INSYN2A: variants seen among roughly 807,000 people sequenced by gnomAD.
INSYN2A encodes family with sequence similarity 196 member A.
A neutral mutation model predicts 39.4 loss-of-function variants in INSYN2A; 17 were observed. That is an observed-to-expected ratio of 0.43 (90% CI 0.30 to 0.65). INSYN2A has a LOEUF of 0.65. INSYN2A is among the 30% of genes least tolerant of loss of function. The pLI is 0.14. For synonymous variants in INSYN2A, 255 were observed against 265.7 expected (o/e 0.96, Z 0.39); for missense variants, 595 against 631.2 (o/e 0.94, Z 0.61).
intron 2 of INSYN2A, among the ~76,000 whole-genome samples, chr10:127,190,600 C>G (rs2056651500): frequency 7.3e-6 from 1 of 137,570 alleles, no homozygotes; most frequent in Non-Finnish European, 1.5e-5. Flanking sequence ...TAATGAAAAA[C>G]TTATTTTTTA....
At chr10:127,174,947 T>C (rs571960279) in intron 4 of INSYN2A, among the ~76,000 whole-genome samples, 168 of 152,342 alleles carry the variant, frequency 1.1e-3, no homozygotes, top group Non-Finnish European at 2.0e-3. Context: ...AGGAAAGGTC[T>C]ATCAATTCAT....
At chr10:127,139,176 C>T (rs1270649661) in intron 5 of INSYN2A, among the ~76,000 whole-genome samples, 1 of 152,166 alleles carries the variant, frequency 6.6e-6, no homozygotes. Context: ...ATTTTATAAC[C>T]AGTGGAACCG....
intron 2 of INSYN2A, among the ~76,000 whole-genome samples, chr10:127,188,416 A>G (rs2056471312): frequency 6.6e-6 from 1 of 152,198 alleles, no homozygotes. Context: ...TTGGAGACGC[A>G]AAACATTTAG....
chr10:127,181,541 G>A (rs1277803965), intron 2 of INSYN2A, among the ~76,000 whole-genome samples: 1 of 152,210 alleles, frequency 6.6e-6, no homozygotes, highest in Non-Finnish European at 1.5e-5. Flanking sequence ...AGCAGTCAGA[G>A]GAGTGCCACA....
At chr10:127,173,910 T>A (rs2054820255) in intron 4 of INSYN2A, among the ~76,000 whole-genome samples, 1 of 152,226 alleles carries the variant, frequency 6.6e-6, no homozygotes, top group African/African-American at 2.4e-5. Flanking sequence ...CAGTTCTTTT[T>A]GCTTAAGAGC....
rs2055068049 is a variant in INSYN2A, at chr10:127,175,857, T to A, written c.539A>T (p.His180Leu). 1.2e-6 allele frequency: 2 copies of A among 1,613,982 alleles called. No individual in the cohort carries two copies. The highest frequency in any genetic ancestry group is 1.7e-6 in the Non-Finnish European group (2 of 1,180,018). ...TTALVFHSNQ[H>L]MNTVDQPLGV... is the part of the protein sequence containing the mutation. ...CAAAGGCTGGTCCACTGTGTTCATG[T>A]GTTGGTTGGAATGGAAAACCAAGGC... Residue 180 changes from histidine (H) to leucine (L), a missense_variant, in exon 4 of 6, where the codon CAC (histidine) becomes CTC (leucine). Transcript: ENST00000522781. The surrounding 1 kb of genome is among the most constrained non-coding windows in gnomAD (Gnocchi z 6.3).
At chr10:127,139,161 A>T (rs1592174957) in intron 5 of INSYN2A, among the ~76,000 whole-genome samples, 1 of 152,332 alleles carries the variant, frequency 6.6e-6, no homozygotes, top group South Asian at 2.1e-4. Flanking sequence ...GCATGAGCTC[A>T]TAACATTTTA....
chr10:127,191,422 C>T (rs2056749180), intron 2 of INSYN2A, among the ~76,000 whole-genome samples: 1 of 152,092 alleles, frequency 6.6e-6, no homozygotes. Context: ...ATCTACCTTC[C>T]CTATGCTTGC....
intron 5 of INSYN2A, among the ~76,000 whole-genome samples, chr10:127,144,129 C>A (rs1254033992): frequency 6.6e-6 from 1 of 152,170 alleles, no homozygotes; most frequent in Non-Finnish European, 1.5e-5. Flanking sequence ...TCCTCCTTGG[C>A]CATTGAAACA....
rs896119196 is a variant in INSYN2A, at chr10:127,137,754, C to T, written c.*83G>A. The stretch of plus-strand genomic sequence containing the variant: ...GCCTGAATGGGCACCACAGTTCCCT[C>T]GATCCTATTCATTTTGGAAAAGTAT... On this transcript the variant is annotated 3_prime_UTR_variant, in exon 6 of 6. Coordinates refer to ENST00000522781, the MANE Select transcript of INSYN2A (RefSeq NM_001039762.3). 93 of 1,339,990 alleles carry T rather than the reference C, an allele frequency of 6.9e-5. No homozygotes were observed. In the East Asian group the frequency reaches 1.5e-3, roughly 21 times the overall value. 83.0% of individuals were successfully genotyped at this position (1,339,990 alleles called of 1,614,324 possible).
chr10:127,176,035 C>T lies in INSYN2A; in HGVS notation c.361G>A (p.Asp121Asn). The part of the protein sequence containing the change: ...LKKCYQTFPL[D>N]RKKGNLKSLP... ...CTTTTGAGGTTCCCCTTTTTGCGGT[C>T]CAGAGGGAACGTCTGGTAACACTTC... Residue 121 changes from aspartate to asparagine, a missense_variant, in exon 4 of 6, where the codon GAC (aspartate) becomes AAC (asparagine). Asp to Asn is a conservative substitution (Grantham distance 23). Coordinates refer to ENST00000522781, the MANE Select transcript of INSYN2A (RefSeq NM_001039762.3). The surrounding 1 kb of genome is among the most constrained non-coding windows in gnomAD (Gnocchi z 4.4). The T allele has an allele frequency of 6.2e-7, 1 of 1,614,010 alleles. No homozygotes were observed. The highest frequency in any genetic ancestry group is 8.5e-7 in the Non-Finnish European group (1 of 1,179,996).
At position 127,175,773 on chromosome 10, in the gene INSYN2A, G is replaced by A. The variant is rs201790205; in HGVS notation, c.623C>T (p.Ala208Val). ...TGGAGGCCGAGTGGAGTTTTGGAGC[G>A]CAGCTTCTCCATAGCTGAGCGGCTC... ...SPEPLSYGEA[A>V]LQNSTRPPSE... The change falls in exon 4 of 6, where the codon GCG becomes GTG. Residue 208 changes from alanine to valine, a missense_variant. Physicochemically the swap from Ala to Val is moderately conservative, Grantham distance 64. Coordinates refer to ENST00000522781, the MANE Select transcript of INSYN2A (RefSeq NM_001039762.3). The surrounding 1 kb of genome is among the most constrained non-coding windows in gnomAD (Gnocchi z 6.3). The A allele has an allele frequency of 2.2e-5, 35 of 1,614,006 alleles. No individual in the cohort carries two copies. The highest frequency in any genetic ancestry group is 8.3e-5 in the Admixed American group (5 of 60,004).
chr10:127,150,784 C>T (rs1334582893), intron 5 of INSYN2A, among the ~76,000 whole-genome samples: 1 of 152,106 alleles, frequency 6.6e-6, no homozygotes. Context: ...AAGGTAGAGA[C>T]AGGTCAAGTA....
At chr10:127,147,303 GTCC>G (rs1467836067) in intron 5 of INSYN2A, among the ~76,000 whole-genome samples, 1 of 152,096 alleles carries the variant, frequency 6.6e-6, no homozygotes, top group East Asian at 1.9e-4. Context: ...CTGGCTGTTT[GTCC>G]TCCTAGTTCC....
chr10:127,177,636 C>T (rs2055296324), intron 2 of INSYN2A, among the ~76,000 whole-genome samples: 2 of 152,182 alleles, frequency 1.3e-5, no homozygotes, highest in African/African-American at 4.8e-5. Flanking sequence ...CAGACTTCGT[C>T]CACATTGCCC....
intron 4 of INSYN2A, among the ~76,000 whole-genome samples, chr10:127,164,510 C>G (rs1048426594): frequency 1.3e-5 from 2 of 152,144 alleles, no homozygotes; most frequent in African/African-American, 4.8e-5. Flanking sequence ...TTGCTCCTCT[C>G]TGTAGCCCTG....
At position 127,175,176 on chromosome 10, in the gene INSYN2A, T is replaced by C. The variant is rs1483677953; in HGVS notation, c.1184+36A>G. On this transcript the variant is annotated intron_variant, in intron 4 of 5. Coordinates refer to ENST00000522781, the MANE Select transcript of INSYN2A (RefSeq NM_001039762.3). This position sits in a 1 kb window ranked among gnomAD's most constrained non-coding sequence, Gnocchi z 6.3. ...CAGATGGACTCTGTGGTGATCAGCC[T>C]GCATAGCTTCCTAAGACATGGGTGA... The C allele has an allele frequency of 1.3e-6, 2 of 1,547,994 alleles. No homozygotes were observed. Among genetic ancestry groups the C allele is most frequent in the Middle Eastern group, 1.7e-4 (1 of 5,798 alleles).
At chr10:127,184,080 C>T (rs927234652) in intron 2 of INSYN2A, among the ~76,000 whole-genome samples, 5 of 152,160 alleles carry the variant, frequency 3.3e-5, no homozygotes, top group Non-Finnish European at 1.5e-5. Flanking sequence ...TCTTGGGAAG[C>T]AGTCTGACAT....
chr10:127,179,241 G>T (rs1365292787), intron 2 of INSYN2A, among the ~76,000 whole-genome samples: 1 of 152,180 alleles, frequency 6.6e-6, no homozygotes, highest in Non-Finnish European at 1.5e-5. Flanking sequence ...CTAGGTCTTG[G>T]ACGCAACCAT....
Sources: gnomAD v4.1 joint callset for allele counts (sites outside exome capture counted in the v4.1 genomes callset) on GRCh38, gnomAD v4.1.1 for gene constraint, Gnocchi (gnomAD v3.1) non-coding constraint, MANE v1.5 for transcripts, NCBI Gene and HGNC (gene_info 2026-07-23, HGNC 2026-07-21) for gene names.